HLCS: variants seen among roughly 807,000 people sequenced by gnomAD.
HLCS encodes holocarboxylase synthetase, also known as biotin--protein ligase.
A neutral mutation model predicts 75.0 loss-of-function variants in HLCS; 53 were observed. That is an observed-to-expected ratio of 0.71 (90% confidence interval 0.57 to 0.89). HLCS has a LOEUF of 0.89. HLCS is among the 40% of genes least tolerant of loss of function. The pLI is 0.00. For synonymous variants in HLCS, 431 were observed against 428.6 expected (o/e 1.01, Z -0.07); for missense variants, 966 against 1,074.0 (o/e 0.90, Z 1.41).
chr21:36,810,497 A>G (rs1469044441), intron 6 of HLCS, among the ~76,000 whole-genome samples: 2 of 152,166 alleles, frequency 1.3e-5, no homozygotes, highest in Non-Finnish European at 2.9e-5. Flanking sequence ...GGTGCAGCTC[A>G]AGAGTGCAGC....
chr21:36,980,715 C>G (rs1209094624), intron 1 of HLCS: 2 of 152,272 alleles, frequency 1.3e-5, no homozygotes, highest in Non-Finnish European at 2.9e-5. Flanking sequence ...GAAACGCACC[C>G]AGGGGGGTGA....
At chr21:36,791,153 T>A (rs2060850181) in intron 6 of HLCS, among the ~76,000 whole-genome samples, 1 of 152,146 alleles carries the variant, frequency 6.6e-6, no homozygotes, top group African/African-American at 2.4e-5. Flanking sequence ...GTGCCTCAGG[T>A]AACCCTAAGA....
intron 8 of HLCS, among the ~76,000 whole-genome samples, chr21:36,761,866 T>C (rs1416236867): frequency 1.3e-5 from 2 of 152,216 alleles, no homozygotes; most frequent in South Asian, 2.1e-4. Context: ...ACCTGCAGAG[T>C]TCCCAGAGCT....
chr21:36,965,039 G>A (rs564475624), intron 1 of HLCS, among the ~76,000 whole-genome samples: 1 of 152,256 alleles, frequency 6.6e-6, no homozygotes, highest in African/African-American at 2.4e-5. Context: ...CTAGTTATTT[G>A]CATAACTAGT....
In HLCS at chr21:36,750,450, C is replaced by A. The variant is rs2089331629; in HGVS notation, c.*3796G>T. Among the ~76,000 whole-genome samples, 1 of 152,194 alleles carries A rather than the reference C, an allele frequency of 6.6e-6. No individual in the cohort carries two copies. The highest frequency in any genetic ancestry group is 2.4e-5 in the African/African-American group (1 of 41,450). On this transcript the variant is annotated 3_prime_UTR_variant, in exon 11 of 11. Coordinates refer to ENST00000674895, the MANE Select transcript of HLCS (RefSeq NM_001352514.2). ...GTGTGGAGGGCAGCGCGGAGGGTAT[C>A]TGCAAGAGCCTGTATTTTCCGCCTC...
intron 1 of HLCS, among the ~76,000 whole-genome samples, chr21:36,983,836 CA>C (rs536416896): frequency 2.3e-5 from 3 of 130,230 alleles, no homozygotes; most frequent in East Asian, 2.3e-4. Flanking sequence ...GACTCCGTCT[CA>C]AAAAAAAAAA....
chr21:36,975,566 A>T (rs954901431), intron 1 of HLCS, among the ~76,000 whole-genome samples: 2 of 152,076 alleles, frequency 1.3e-5, no homozygotes, highest in Admixed American at 6.6e-5. Flanking sequence ...GGCATTCAAG[A>T]CCTTCCACTG....
At position 36,829,199 on chromosome 21, in the gene HLCS, C is replaced by T. The variant is rs1470734239; in HGVS notation, c.1893-61914G>A. Among the ~76,000 whole-genome samples, 7 of 152,212 alleles carry T rather than the reference C, an allele frequency of 4.6e-5. No individual in the cohort carries two copies. The East Asian group carries it at 1.2e-3, about 25-fold the overall frequency. On this transcript the variant is annotated intron_variant, in intron 6 of 10. Transcript: ENST00000674895. ...TGGATTCCTGTGAAACTCCAAATAG[C>T]GTACTTCACTGTTTTACCTATGAGA... is the stretch of plus-strand genomic sequence containing the variant.
At chr21:36,928,170 T>C (rs761554123) in intron 5 of HLCS, among the ~76,000 whole-genome samples, 4 of 152,086 alleles carry the variant, frequency 2.6e-5, no homozygotes, top group African/African-American at 4.8e-5. Context: ...TTCAAATTCA[T>C]TTGCACTATA....
In HLCS at chr21:36,983,527, G is replaced by T. The variant is rs374610220; in HGVS notation, c.-393+6631C>A. Reference sequence around the variant, plus strand: ...CGCCCAGCCTGTGAAGGCTTTAATAGCAACAATCCTTATAAAAATGATTTT... The same window carrying T: ...CGCCCAGCCTGTGAAGGCTTTAATATCAACAATCCTTATAAAAATGATTTT... On this transcript the variant is annotated intron_variant, in intron 1 of 11. Coordinates refer to the HLCS transcript ENST00000336648. Among the ~76,000 whole-genome samples the T allele has an allele frequency of 8.6e-5, 13 of 151,780 alleles. No homozygotes were observed. In the East Asian group the frequency reaches 1.6e-3, roughly 18 times the overall value.
intron 6 of HLCS, among the ~76,000 whole-genome samples, chr21:36,768,989 T>C (rs542712761): frequency 1.3e-5 from 2 of 152,194 alleles, no homozygotes; most frequent in East Asian, 3.9e-4. Context: ...ATTTAGCGTG[T>C]TGTGAGCAGA....
At chr21:36,837,978 C>T (rs1163111129) in intron 6 of HLCS, among the ~76,000 whole-genome samples, 4 of 152,192 alleles carry the variant, frequency 2.6e-5, no homozygotes, top group African/African-American at 9.7e-5. Context: ...TGATAAGTTT[C>T]CCAAGTTTTT....
chr21:36,891,658 CT>C (rs2064791834), intron 6 of HLCS, among the ~76,000 whole-genome samples: 1 of 152,176 alleles, frequency 6.6e-6, no homozygotes, highest in African/African-American at 2.4e-5. Context: ...CAGGAAACAG[CT>C]CTGAAAATTC....
intron 6 of HLCS, among the ~76,000 whole-genome samples, chr21:36,789,529 A>G (rs1033110458): frequency 6.6e-6 from 1 of 152,214 alleles, no homozygotes; most frequent in Admixed American, 6.5e-5. Flanking sequence ...TGTAATCTGT[A>G]TCAAGACAAT....
intron 6 of HLCS, among the ~76,000 whole-genome samples, chr21:36,784,311 CTTTTT>C (rs34045793): frequency 1.5e-5 from 2 of 130,656 alleles, no homozygotes; most frequent in Non-Finnish European, 1.6e-5. Flanking sequence ...AATACCACCT[CTTTTT>C]TTTTTTTTTT....
chr21:36,918,196 G>A lies in HLCS; in HGVS notation c.1620+12055C>T, dbSNP rs182551511. 5.3e-5 allele frequency among the ~76,000 whole-genome samples: 8 copies of A among 152,210 alleles called. No homozygotes were observed. The East Asian group carries it at 5.8e-4, about 11-fold the overall frequency. ...CACTAACTCCTATGTACTGAGTGCC[G>A]GAAATTCTTCCTGCAAAGTAAGGAA... On this transcript the variant is annotated intron_variant, in intron 5 of 10. Transcript: ENST00000674895.
At chr21:36,860,444 T>C (rs1333898939) in intron 6 of HLCS, among the ~76,000 whole-genome samples, 1 of 152,190 alleles carries the variant, frequency 6.6e-6, no homozygotes, top group African/African-American at 2.4e-5. Context: ...CAGATCAACA[T>C]GCAGAGAAAG....
In HLCS at chr21:36,906,585, T is replaced by C. The variant is rs142994906; in HGVS notation, c.1621-9454A>G. Among the ~76,000 whole-genome samples, 1,055 of 151,464 alleles carry C rather than the reference T, an allele frequency of 7.0e-3. 13 individuals carry two copies. The highest frequency in any genetic ancestry group is 0.025 in the African/African-American group (1,028 of 41,368). Reference sequence around the variant, plus strand: ...TGTAAATAACTGAAAAGATACACCATGTTCATGGATCAGAAGACTAACACT... The same window carrying C: ...TGTAAATAACTGAAAAGATACACCACGTTCATGGATCAGAAGACTAACACT... On this transcript the variant is annotated intron_variant, in intron 5 of 10. Coordinates refer to ENST00000674895, the MANE Select transcript of HLCS (RefSeq NM_001352514.2).
At chr21:36,931,176 G>A (rs1230355004) in intron 4 of HLCS, among the ~76,000 whole-genome samples, 4 of 151,088 alleles carry the variant, frequency 2.6e-5, no homozygotes, top group African/African-American at 9.8e-5. Flanking sequence ...CCAGCTACTC[G>A]GGAAGTTGAG....
Sources: gnomAD v4.1 joint callset for allele counts (sites outside exome capture counted in the v4.1 genomes callset) on GRCh38, gnomAD v4.1.1 for gene constraint, MANE v1.5 for transcripts, NCBI Gene and HGNC (gene_info 2026-07-23, HGNC 2026-07-21) for gene names.